DZIP1L: variants seen among roughly 807,000 people sequenced by gnomAD.
DZIP1L encodes the protein DAZ interacting zinc finger protein 1 like.
In DZIP1L, 90 loss-of-function variants were observed where a neutral mutation model predicts 88.7. The ratio of observed to expected loss-of-function variants is 1.02; its 90% confidence interval spans 0.86 to 1.21. DZIP1L has a LOEUF of 1.21. DZIP1L is among the 50% of genes most tolerant of loss of function. The pLI is 0.00. For synonymous variants in DZIP1L, 363 were observed against 372.1 expected (o/e 0.98, Z 0.28); for missense variants, 932 against 955.8 (o/e 0.98, Z 0.33).
intron 8 of DZIP1L, among the ~76,000 whole-genome samples, chr3:138,082,490 G>A (rs1385448405): frequency 1.3e-5 from 2 of 152,186 alleles, no homozygotes; most frequent in Admixed American, 6.5e-5. Flanking sequence ...AAATAAAGCA[G>A]TTATAGAGAA....
intron 12 of DZIP1L, 118 bp from the exon 13 acceptor site, chr3:138,068,485 G>GTGGT: frequency 5.5e-6 from 4 of 724,706 alleles, no homozygotes; most frequent in Non-Finnish European, 8.2e-6. Flanking sequence ...TCTCCGTGCT[G>GTGGT]TAATAACCAC....
chr3:138,107,860 T>G (rs2042540616), intron 1 of DZIP1L, among the ~76,000 whole-genome samples: 1 of 152,144 alleles, frequency 6.6e-6, no homozygotes, highest in African/African-American at 2.4e-5. Context: ...CCTCTCAGCC[T>G]GGTCTTGAGA....
At chr3:138,106,781 G>A (rs569399881) in intron 1 of DZIP1L, among the ~76,000 whole-genome samples, 20 of 152,074 alleles carry the variant, frequency 1.3e-4, no homozygotes, top group Admixed American at 4.6e-4. Context: ...GCAGTGAGCC[G>A]AGATCGCGCC....
intron 10 of DZIP1L, 122 bp from the exon 11 acceptor site, chr3:138,077,754 G>C: frequency 7.1e-7 from 1 of 1,403,726 alleles, no homozygotes; most frequent in East Asian, 2.3e-5. Context: ...TCAGGACTTG[G>C]AGATTGCACT....
In DZIP1L at chr3:138,071,796, C is replaced by T. The variant is rs1165449428; in HGVS notation, c.1462G>A (p.Glu488Lys). The change falls in exon 12 of 16, where the codon GAA becomes AAA. Residue 488 changes from glutamate (E) to lysine (K), a missense_variant. Glu to Lys is a moderately conservative substitution (Grantham distance 56). Transcript: ENST00000327532. Reference protein sequence around the residue: ...GISIQTLRHLESLLRVQREQK... With the variant: ...GISIQTLRHLKSLLRVQREQK... Reference sequence around the variant, plus strand: ...TCCCGCTGGACTCTCAGCAGGGATTCCAGGTGTCTGAGAGTCTGAATCGAG... The same window carrying T: ...TCCCGCTGGACTCTCAGCAGGGATTTCAGGTGTCTGAGAGTCTGAATCGAG... 1.2e-6 allele frequency: 2 copies of T among 1,614,080 alleles called. No individual in the cohort carries two copies. The highest frequency in any genetic ancestry group is 1.7e-6 in the Non-Finnish European group (2 of 1,179,982).
At chr3:138,083,971 T>G in intron 8 of DZIP1L, 142 bp downstream of exon 8, 2 of 1,229,208 alleles carry the variant, frequency 1.6e-6, no homozygotes, top group Non-Finnish European at 2.2e-6. Context: ...TTTGTGCCCT[T>G]CATGCCAGAG....
chr3:138,078,785 C>G (rs1423639587), intron 10 of DZIP1L, among the ~76,000 whole-genome samples: 1 of 152,232 alleles, frequency 6.6e-6, no homozygotes, highest in Non-Finnish European at 1.5e-5. Context: ...TCAACCTTGT[C>G]TGCACATTGG....
intron 2 of DZIP1L, chr3:138,101,994 G>C: frequency 1.3e-6 from 2 of 1,538,546 alleles, no homozygotes; most frequent in Non-Finnish European, 1.8e-6. Flanking sequence ...GTTCATCTCA[G>C]AGATCTCAGT....
intron 11 of DZIP1L, among the ~76,000 whole-genome samples, chr3:138,074,706 A>T (rs1245124350): frequency 6.6e-6 from 1 of 150,896 alleles, no homozygotes; most frequent in African/African-American, 2.4e-5. Context: ...CATAAATCTC[A>T]TAGGACCTAT....
At chr3:138,083,889 C>G (rs1270580203) in intron 8 of DZIP1L, among the ~76,000 whole-genome samples, 2 of 152,140 alleles carry the variant, frequency 1.3e-5, no homozygotes, top group African/African-American at 4.8e-5. Context: ...GTTAGAGTGG[C>G]CCCATCTGCC....
In DZIP1L at chr3:138,084,258, C is replaced by A; in HGVS notation, c.1063-5G>T. 1 of 1,612,882 alleles carries A rather than the reference C, an allele frequency of 6.2e-7. No homozygotes were observed. The highest frequency in any genetic ancestry group is 8.5e-7 in the Non-Finnish European group (1 of 1,179,484). On this transcript the variant is annotated splice_polypyrimidine_tract_variant and splice_region_variant and intron_variant, in intron 7 of 15. Coordinates refer to ENST00000327532, the MANE Select transcript of DZIP1L (RefSeq NM_173543.3). ...CCTCTGGTTCTCCTCCTGTAGCTGG[C>A]AGGCACAAGATGGCTGGTCAGTCAA...
At chr3:138,082,144 G>A (rs1474366256) in intron 8 of DZIP1L, among the ~76,000 whole-genome samples, 3 of 152,238 alleles carry the variant, frequency 2.0e-5, no homozygotes, top group Non-Finnish European at 4.4e-5. Context: ...GCGGGCGTCT[G>A]AGCAGAGCAC....
intron 1 of DZIP1L, among the ~76,000 whole-genome samples, chr3:138,110,601 A>C (rs1461978992): frequency 2.0e-5 from 3 of 152,254 alleles, no homozygotes; most frequent in Middle Eastern, 3.4e-3. Flanking sequence ...GTGTCTCTGC[A>C]ACATTCATAT....
At chr3:138,088,682 G>C in intron 5 of DZIP1L, 175 bp from the exon 6 acceptor site, 1 of 1,269,196 alleles carries the variant, frequency 7.9e-7, no homozygotes. Context: ...CCTTCACAAG[G>C]GCTCTCCTGG....
At chr3:138,075,180 G>A (rs570290513) in intron 11 of DZIP1L, among the ~76,000 whole-genome samples, 1 of 152,332 alleles carries the variant, frequency 6.6e-6, no homozygotes, top group South Asian at 2.1e-4. Context: ...CCGAAGAAAT[G>A]AGATAGACAG....
Position 138,068,163 on chromosome 3 carries a change from C to G in DZIP1L, c.1820G>C (p.Gly607Ala), listed in dbSNP as rs752621401. The stretch of plus-strand genomic sequence containing the variant: ...GTCTGGGGCTCACCTCATCCCGGGC[C>G]CCGAGGAAGGAGGGGTGCTGGAGGG... ...HGPSSTPPSS[G>A]PGMSTPPFSS... The change falls in exon 13 of 16, where the codon GGG becomes GCG. Residue 607 changes from glycine (G) to alanine (A), a missense_variant. Coordinates refer to ENST00000327532, the MANE Select transcript of DZIP1L (RefSeq NM_173543.3). 6.6e-7 allele frequency: 1 copy of G among 1,508,510 alleles called. No individual in the cohort carries two copies. The highest frequency in any genetic ancestry group is 8.9e-7 in the Non-Finnish European group (1 of 1,125,038). 93.4% of individuals were successfully genotyped at this position (1,508,510 alleles called of 1,614,324 possible).
Position 138,101,665 on chromosome 3 carries a change from AGACCACCTGCATAGCCGCTGGTGGTCTTT to A in DZIP1L, c.501+1777_501+1805del. On this transcript the variant is annotated intron_variant, in intron 2 of 15. Transcript: ENST00000327532. ...TGTGAGGCCCCCATAGGCCGAGCTC[AGACCACCTGCATAGCCGCTGGTGGTCTTT>A]GTATGGATACTTGTGTTCTGCATCT... 3.8e-6 allele frequency: 3 copies of A among 798,094 alleles called. No individual in the cohort carries two copies. In the South Asian group the frequency reaches 4.0e-5, roughly 11 times the overall value. 49.4% of individuals were successfully genotyped at this position (798,094 alleles called of 1,614,324 possible). A position where few individuals can be genotyped will look rare whatever the true frequency, so the allele number is the denominator to read the frequency against.
At chr3:138,089,130 G>A in intron 5 of DZIP1L, 2 of 985,436 alleles carry the variant, frequency 2.0e-6, no homozygotes, top group Non-Finnish European at 1.2e-6. Context: ...CTGTATGACT[G>A]TATAAAACTC....
In DZIP1L at chr3:138,071,521, C is replaced by T. The variant is rs564770961; in HGVS notation, c.1615+122G>A. 46 of 1,126,248 alleles carry T rather than the reference C, an allele frequency of 4.1e-5. No homozygotes were observed. In the Middle Eastern group the frequency reaches 9.2e-4, roughly 22 times the overall value. 69.8% of individuals were successfully genotyped at this position (1,126,248 alleles called of 1,614,324 possible). A position where few individuals can be genotyped will look rare whatever the true frequency, so the allele number is the denominator to read the frequency against. On this transcript the variant is annotated intron_variant, in intron 12 of 15. Coordinates refer to ENST00000327532, the MANE Select transcript of DZIP1L (RefSeq NM_173543.3). ...CCCTGTAAGGACCCTACCAGCTCAG[C>T]CCTTCAGAGAAGTGCCCCTAATGGG...
Sources: gnomAD v4.1 joint callset for allele counts (sites outside exome capture counted in the v4.1 genomes callset) on GRCh38, gnomAD v4.1.1 for gene constraint, MANE v1.5 for transcripts, NCBI Gene and HGNC (gene_info 2026-07-23, HGNC 2026-07-21) for gene names.